The following MDM2 variants were observed in gnomAD, a reference collection of about 807,000 sequenced individuals.
MDM2 encodes the protein MDM2 proto-oncogene, also known as E3 ubiquitin-protein ligase Mdm2.
MDM2 carries 11 observed loss-of-function variants against 64.3 expected under a neutral mutation model. That is an observed-to-expected ratio of 0.17 (90% CI 0.11 to 0.28). The LOEUF (loss-of-function observed/expected upper bound fraction) is 0.28, where lower values mean the gene tolerates loss of function less well. Among genes scored for constraint, MDM2 ranks in the 10% least tolerant of loss-of-function variants. The probability of loss-of-function intolerance (pLI) is 1.00; values close to 1 mark genes in which losing one functional copy is unlikely to be tolerated. For synonymous variants in MDM2, 194 were observed against 192.9 expected (o/e 1.01, Z -0.05); for missense variants, 388 against 577.1 (o/e 0.67, Z 3.36).
intron 7 of MDM2, among the ~76,000 whole-genome samples, chr12:68,826,959 G>A (rs910033742): frequency 1.3e-5 from 2 of 152,036 alleles, no homozygotes; most frequent in African/African-American, 4.8e-5. Context: ...GGAGGATCAC[G>A]AGGTCAGGAG....
chr12:68,849,803 G>C (rs1242075335), downstream of MDM2: 8 of 150,932 alleles, frequency 5.3e-5, no homozygotes, highest in Non-Finnish European at 1.2e-4. Context: ...AGTAGAGATG[G>C]GGTTTTGCTA....
intron 10 of MDM2, among the ~76,000 whole-genome samples, chr12:68,838,930 A>G (rs1883518078): frequency 6.6e-6 from 1 of 152,224 alleles, no homozygotes; most frequent in East Asian, 1.9e-4. Flanking sequence ...TGTTTTGTGT[A>G]TAATTGAGAC....
intron 3 of MDM2, chr12:68,814,654 A>T (rs775995873): frequency 5.0e-6 from 2 of 402,166 alleles, no homozygotes; most frequent in Non-Finnish European, 9.7e-6. Context: ...CACTAGAGAT[A>T]CATGAGTACA....
At position 68,832,987 on chromosome 12, in the gene MDM2, G is replaced by A. The variant is rs1249360721; in HGVS notation, c.685-2842G>A. Among the ~76,000 whole-genome samples, 16 of 149,726 alleles carry A rather than the reference G, an allele frequency of 1.1e-4. 1 individual carries two copies. The highest frequency in any genetic ancestry group is 6.3e-4 in the South Asian group (3 of 4,778). ...TAAAAATACAAAAAATTAGCCGGGC[G>A]TGGTGGCGGGCACCTATAGTCCCAG... On this transcript the variant is annotated intron_variant, in intron 8 of 10. Transcript: ENST00000258149.
the MDM2 span, chr12:68,850,562 G>A: frequency 6.6e-6 from 1 of 152,166 alleles, no homozygotes; most frequent in Non-Finnish European, 1.5e-5. Context: ...TGACTAAGTC[G>A]ATATTAGCAG....
At chr12:68,809,991 G>A (rs530603757) in intron 2 of MDM2, among the ~76,000 whole-genome samples, 27 of 152,060 alleles carry the variant, frequency 1.8e-4, no homozygotes, top group African/African-American at 6.0e-4. Context: ...CATGCATCCC[G>A]TGTGACTATT....
downstream of MDM2, chr12:68,847,215 T>TATATATATATATATATATATA (rs1884379295): frequency 7.2e-6 from 1 of 139,510 alleles, no homozygotes; most frequent in Non-Finnish European, 1.5e-5. Flanking sequence ...TATATATACT[T>TATATATATATATATATATATA]TTTTTAGAGG....
At chr12:68,809,404 C>T in intron 2 of MDM2, 112 bp downstream of exon 2, 1 of 993,388 alleles carries the variant, frequency 1.0e-6, no homozygotes, top group African/African-American at 1.6e-5. Context: ...ATTGTATGTG[C>T]ATAGCTTAAA....
At chr12:68,822,742 G>T (rs1184226694) in intron 5 of MDM2, among the ~76,000 whole-genome samples, 4 of 123,010 alleles carry the variant, frequency 3.3e-5, no homozygotes, top group African/African-American at 1.5e-4. Context: ...TCTCAACTTT[G>T]TCACTTTTTT....
chr12:68,819,628 A>G (rs570820909), intron 4 of MDM2, among the ~76,000 whole-genome samples: 5 of 152,076 alleles, frequency 3.3e-5, no homozygotes, highest in Non-Finnish European at 7.4e-5. Flanking sequence ...AGTAGCTGGG[A>G]TTACAGGCAT....
chr12:68,844,534 A>C lies in MDM2; in HGVS notation c.*4685A>C, dbSNP rs368225218. 4.4e-6 allele frequency: 1 copy of C among 228,570 alleles called. No individual in the cohort carries two copies. The highest frequency in any genetic ancestry group is 2.2e-5 in the African/African-American group (1 of 45,176). The allele number at this position is 228,570 out of a possible 1,614,324, so 14.2% of individuals were successfully genotyped here. A position where few individuals can be genotyped will look rare whatever the true frequency, so the allele number is the denominator to read the frequency against. ...GGGAGTTTGGGCTAGCCACCGTACC[A>C]CTTGTCAGCGTGAAAAGTAAGATTG... On this transcript the variant is annotated 3_prime_UTR_variant, in exon 11 of 11. Coordinates refer to ENST00000258149, the MANE Select transcript of MDM2 (RefSeq NM_002392.6).
rs543499678 is a variant in MDM2 at position 68,837,922 on chromosome 12, C to G, written c.918+1173C>G. ...AAAAGGATGAAAATTCAAGAGTTTC[C>G]AAAATTTTTACTGTATTAGAAAATA... is the stretch of plus-strand genomic sequence containing the variant. On this transcript the variant is annotated intron_variant, in intron 10 of 10. Coordinates refer to ENST00000258149, the MANE Select transcript of MDM2 (RefSeq NM_002392.6). Among the ~76,000 whole-genome samples, 14 of 151,968 alleles carry G rather than the reference C, an allele frequency of 9.2e-5. No homozygotes were observed. The East Asian group carries it at 2.5e-3, about 27-fold the overall frequency.
rs11177389 is a variant in MDM2 at position 68,843,452 on chromosome 12, T to G, written c.*3603T>G. On this transcript the variant is annotated 3_prime_UTR_variant, in exon 11 of 11. Transcript: ENST00000258149. Reference sequence around the variant, plus strand: ...AGTACATACACCATATTTACAATTATGTATTTAACATTTAAAATTTCTAAT... The same window carrying G: ...AGTACATACACCATATTTACAATTAGGTATTTAACATTTAAAATTTCTAAT... 2,280 of 228,738 alleles carry G rather than the reference T, an allele frequency of 1.0e-2. 17 individuals carry two copies. Among genetic ancestry groups the G allele is most frequent in the Non-Finnish European group, 0.016 (1,832 of 115,334 alleles). 14.2% of individuals were successfully genotyped at this position (228,738 alleles called of 1,614,324 possible).
chr12:68,835,251 ATAAT>A (rs1883211822), intron 8 of MDM2, among the ~76,000 whole-genome samples: 1 of 152,230 alleles, frequency 6.6e-6, no homozygotes, highest in Admixed American at 6.5e-5. Context: ...AGTAGTAAGG[ATAAT>A]TAAAGGTGGA....
chr12:68,847,452 C>CTTTTTTTTTTTTTTTTTTT (rs772905678), downstream of MDM2: 7 of 88,722 alleles, frequency 7.9e-5, no homozygotes, highest in African/African-American at 3.4e-4. Context: ...TATCTCCTTT[C>CTTTTTTTTTTTTTTTTTTT]TTTTTTTTTT....
chr12:68,847,147 C>G (rs1394548046), downstream of MDM2: 1 of 120,620 alleles, frequency 8.3e-6, no homozygotes, highest in African/African-American at 3.8e-5. Flanking sequence ...ACATATATTA[C>G]ATATATATAT....
At chr12:68,824,484 G>A in intron 6 of MDM2, 54 bp downstream of exon 6, 1 of 1,597,282 alleles carries the variant, frequency 6.3e-7, no homozygotes, top group Non-Finnish European at 8.6e-7. Flanking sequence ...AATTGGAAAG[G>A]TTATTTACAA....
chr12:68,815,614 G>A (rs1881301309), intron 3 of MDM2: 1 of 410,716 alleles, frequency 2.4e-6, no homozygotes, highest in Non-Finnish European at 4.8e-6. Context: ...GCTAATTTTT[G>A]TATTTTTTTG....
downstream of MDM2, chr12:68,847,209 T>TATATATATATATATATAC (rs1555190258): frequency 7.3e-6 from 1 of 137,084 alleles, no homozygotes; most frequent in African/African-American, 2.9e-5. Flanking sequence ...TATATATATA[T>TATATATATATATATATAC]ATACTTTTTT....
Sources: gnomAD v4.1 joint callset for allele counts (sites outside exome capture counted in the v4.1 genomes callset) on GRCh38, gnomAD v4.1.1 for gene constraint, MANE v1.5 for transcripts, NCBI Gene and HGNC (gene_info 2026-07-23, HGNC 2026-07-21) for gene names.